The following ZNFX1 variants were observed in gnomAD, a reference collection of about 807,000 sequenced individuals.
ZNFX1 encodes the protein zinc finger NFX1-type containing 1, also known as NFX1-type zinc finger-containing protein 1.
ZNFX1 carries 78 observed loss-of-function variants against 179.8 expected under a neutral mutation model. The observed-to-expected ratio is 0.43, with a 90% CI of 0.36 to 0.52. The LOEUF (loss-of-function observed/expected upper bound fraction) is 0.52. Among genes scored for constraint, ZNFX1 ranks in the 20% least tolerant of loss-of-function variants. The probability of loss-of-function intolerance (pLI) is 0.00; values close to 1 mark genes in which losing one functional copy is unlikely to be tolerated. For missense variants in ZNFX1, 1,927 were observed against 2,386.6 expected, an observed-to-expected ratio of 0.81 and a Z score of 4.01; for synonymous variants, 848 against 868.5, an observed-to-expected ratio of 0.98 and a Z score of 0.42.
Position 49,270,266 on chromosome 20 carries a change from T to G in ZNFX1, c.1546A>C (p.Arg516=), listed in dbSNP as rs369142989. The change falls in exon 3 of 14, where the codon AGG becomes CGG. Residue 516 remains arginine (R), a synonymous_variant. Coordinates refer to ENST00000396105, the MANE Select transcript of ZNFX1 (RefSeq NM_021035.3). This position sits in a 1 kb window ranked among gnomAD's most constrained non-coding sequence, Gnocchi z 4.6. The stretch of plus-strand genomic sequence containing the variant: ...TCCTGGAGTCCTTCCAGGACGTGCC[T>G]GTAGGCCTCAAAGTATGCAGTTGTC... ...VETTAYFEAY[R]HVLEGLQEVQ... is the part of the protein sequence containing the mutation. 8.7e-5 allele frequency: 140 copies of G among 1,614,072 alleles called. 2 individuals carry two copies. The highest frequency in any genetic ancestry group is 8.5e-4 in the South Asian group (77 of 91,088).
Position 49,263,472 on chromosome 20 carries a change from C to T in ZNFX1, c.2163G>A (p.Gln721=). The T allele has an allele frequency of 1.3e-6, 2 of 1,584,622 alleles. No individual in the cohort carries two copies. Among genetic ancestry groups the T allele is most frequent in the South Asian group, 2.3e-5 (2 of 87,640 alleles). ...GAAGCTCTTGCTCTGACTCCTTCAT[C>T]TGTGTCATGATCTTCCAAGAACAGA... ...LRRAYMSIMT[Q]MKESEQELHE... is the part of the protein sequence containing the mutation. The change falls in exon 6 of 14, where the codon CAG becomes CAA. Residue 721 remains glutamine, a synonymous_variant. Transcript: ENST00000396105.
Position 49,275,901 on chromosome 20 carries a change from G to GTT in ZNFX1, c.-48-16_-48-15dup. On this transcript the variant is annotated splice_polypyrimidine_tract_variant and intron_variant, in intron 1 of 13. Transcript: ENST00000396105. ...TTATCTGGAAAACTGCACATGTTGA[G>GTT]TTATCAGTGTCCTCGAAACATAGCA... The GTT allele has an allele frequency of 6.4e-7, 1 of 1,565,688 alleles. No homozygotes were observed. Among genetic ancestry groups the GTT allele is most frequent in the African/African-American group, 1.4e-5 (1 of 74,034 alleles).
intron 3 of ZNFX1, among the ~76,000 whole-genome samples, chr20:49,269,619 C>T (rs563471435): frequency 2.0e-5 from 3 of 152,022 alleles, no homozygotes; most frequent in Admixed American, 6.6e-5. Context: ...AGGCAGAGGT[C>T]GCAGTGAGCC....
intron 7 of ZNFX1, among the ~76,000 whole-genome samples, chr20:49,258,800 C>T (rs1981040614): frequency 7.4e-6 from 1 of 136,010 alleles, no homozygotes; most frequent in South Asian, 2.3e-4. Context: ...AGTGAGACTC[C>T]ATCTCAAAAA....
chr20:49,253,342 C>T (rs962784293), intron 11 of ZNFX1, among the ~76,000 whole-genome samples: 2 of 151,888 alleles, frequency 1.3e-5, no homozygotes, highest in African/African-American at 4.8e-5. Flanking sequence ...CACTTTGGCT[C>T]CTTTATGTAG....
chr20:49,257,523 T>G lies in ZNFX1; in HGVS notation c.2558A>C (p.Glu853Ala), dbSNP rs757101785. The G allele has an allele frequency of 6.2e-7, 1 of 1,613,872 alleles. No homozygotes were observed. ...VVRPQRRKKE[E>A]SGADQELAKM... ...AGCCAACTCCTGGTCTGCTCCACTC[T>G]CTTCCTTCTTCCGCCGCTGGGGCCT... is the stretch of plus-strand genomic sequence containing the variant. Residue 853 changes from glutamate to alanine, a missense_variant, in exon 8 of 14, where the codon GAG (glutamate) becomes GCG (alanine). Coordinates refer to ENST00000396105, the MANE Select transcript of ZNFX1 (RefSeq NM_021035.3).
chr20:49,266,369 T>G, intron 3 of ZNFX1, 103 bp from the exon 4 acceptor site: 1 of 1,123,690 alleles, frequency 8.9e-7, no homozygotes, highest in Non-Finnish European at 1.2e-6. Context: ...TACATTAAGA[T>G]AGTTTAAAAT....
In ZNFX1 at chr20:49,257,543, G is replaced by A; in HGVS notation, c.2538C>T (p.Pro846=). 2 of 1,613,718 alleles carry A rather than the reference G, an allele frequency of 1.2e-6. No individual in the cohort carries two copies. ...CACTCTCTTCCTTCTTCCGCCGCTG[G>A]GGCCTCACCACCTCTTCCTCCTCAA... The part of the protein sequence containing the change: ...RVIEEEEVVR[P]QRRKKEESGA... Residue 846 remains proline, a synonymous_variant, in exon 8 of 14, where the codon CCC becomes CCT. Coordinates refer to ENST00000396105, the MANE Select transcript of ZNFX1 (RefSeq NM_021035.3).
At chr20:49,261,944 G>A (rs1470719593) in intron 6 of ZNFX1, among the ~76,000 whole-genome samples, 1 of 151,018 alleles carries the variant, frequency 6.6e-6, no homozygotes, top group Non-Finnish European at 1.5e-5. Flanking sequence ...CTGCGCGCTT[G>A]GCCTCATGAC....
rs762242619 is a variant in ZNFX1, at chr20:49,247,565, A to C, written c.5459T>G (p.Leu1820Arg). ...QEKMEALKAT[L>R]PCSGLGISEE... is the part of the protein sequence containing the mutation. ...TGAGATGCCCAGGCCAGAGCAGGGA[A>C]GGGTGGCTTTCAGAGCTTCCATCTT... The change falls in exon 14 of 14, where the codon CTT (leucine) becomes CGT (arginine). Residue 1820 changes from leucine to arginine, a missense_variant. Leu to Arg is a moderately radical substitution (Grantham distance 102). Transcript: ENST00000396105. 6.2e-7 allele frequency: 1 copy of C among 1,614,230 alleles called. No individual in the cohort carries two copies. Among genetic ancestry groups the C allele is most frequent in the Non-Finnish European group, 8.5e-7 (1 of 1,180,028 alleles).
In ZNFX1 at chr20:49,270,268, T is replaced by A; in HGVS notation, c.1544A>T (p.Tyr515Phe). The A allele has an allele frequency of 6.2e-7, 1 of 1,614,078 alleles. No individual in the cohort carries two copies. Among genetic ancestry groups the A allele is most frequent in the South Asian group, 1.1e-5 (1 of 91,084 alleles). The change falls in exon 3 of 14, where the codon TAC becomes TTC. Residue 515 changes from tyrosine (Y) to phenylalanine (F), a missense_variant. Tyr to Phe is a conservative substitution (Grantham distance 22). Transcript: ENST00000396105. The surrounding 1 kb of genome is among the most constrained non-coding windows in gnomAD (Gnocchi z 4.6). ...MVETTAYFEA[Y>F]RHVLEGLQEV... ...CTGGAGTCCTTCCAGGACGTGCCTG[T>A]AGGCCTCAAAGTATGCAGTTGTCTC...
At position 49,256,716 on chromosome 20, in the gene ZNFX1, G is replaced by A. The variant is rs576364676; in HGVS notation, c.2664+701C>T. On this transcript the variant is annotated intron_variant, in intron 8 of 13. Coordinates refer to ENST00000396105, the MANE Select transcript of ZNFX1 (RefSeq NM_021035.3). ...TTCTAAGAATTGAGATCATGACTCCGCTCACCACATATAGTGATACTGAAC... is the reference window on the plus strand; with the variant it reads ...TTCTAAGAATTGAGATCATGACTCCACTCACCACATATAGTGATACTGAAC... Among the ~76,000 whole-genome samples the A allele has an allele frequency of 3.3e-5, 5 of 152,290 alleles. No homozygotes were observed. The South Asian group carries it at 6.2e-4, about 19-fold the overall frequency.
At position 49,270,725 on chromosome 20, in the gene ZNFX1, CG is replaced by C. The variant is rs1981362711; in HGVS notation, c.1086del (p.Tyr362Ter). The C allele has an allele frequency of 6.2e-7, 1 of 1,614,122 alleles. No individual in the cohort carries two copies. The highest frequency in any genetic ancestry group is 8.5e-7 in the Non-Finnish European group (1 of 1,180,036). On this transcript the variant is annotated frameshift_variant, in exon 3 of 14. Coordinates refer to ENST00000396105, the MANE Select transcript of ZNFX1 (RefSeq NM_021035.3). LOFTEE classifies it high-confidence loss of function. The surrounding 1 kb of genome is among the most constrained non-coding windows in gnomAD (Gnocchi z 4.6). ...FLRPNIISGK[Y>X]DSTAIYLDTH... Reference sequence around the variant, plus strand: ...GTATCCAGATAGATAGCAGTGCTGTCGTATTTTCCAGAAATGATATTGGGGC... The same window carrying C: ...GTATCCAGATAGATAGCAGTGCTGTCTATTTTCCAGAAATGATATTGGGGC...
rs1399293920 is a variant in ZNFX1 at position 49,257,501 on chromosome 20, C to T, written c.2580G>A (p.Leu860=). 5 of 1,613,866 alleles carry T rather than the reference C, an allele frequency of 3.1e-6. No individual in the cohort carries two copies. The highest frequency in any genetic ancestry group is 3.4e-6 in the Non-Finnish European group (4 of 1,179,998). The change falls in exon 8 of 14, where the codon TTG becomes TTA. Residue 860 remains leucine (L), a synonymous_variant. Transcript: ENST00000396105. The part of the protein sequence containing the change: ...KKEESGADQE[L]AKMLLAMRLD... The stretch of plus-strand genomic sequence containing the variant: ...GCCTCATGGCCAGAAGCATTTTAGC[C>T]AACTCCTGGTCTGCTCCACTCTCTT...
At chr20:49,249,837 C>T (rs1600984167) in intron 13 of ZNFX1, 126 bp from the exon 14 acceptor site, 2 of 917,456 alleles carry the variant, frequency 2.2e-6, no homozygotes, top group East Asian at 2.6e-5. Flanking sequence ...TTTTTGTCCA[C>T]TCAACATCAC....
Position 49,272,081 on chromosome 20 carries a change from T to G in ZNFX1, c.62-331A>C, listed in dbSNP as rs181848103. Among the ~76,000 whole-genome samples the G allele has an allele frequency of 1.5e-3, 229 of 152,286 alleles. 2 individuals are homozygous for G. The highest frequency in any genetic ancestry group is 0.014 in the Admixed American group (213 of 15,296). Reference sequence around the variant, plus strand: ...TACCAAATAACAGTCAGAACATGAGTTTAAAGGCCAAACTGACTTGGTTCA... The same window carrying G: ...TACCAAATAACAGTCAGAACATGAGGTTAAAGGCCAAACTGACTTGGTTCA... On this transcript the variant is annotated intron_variant, in intron 2 of 13. Coordinates refer to ENST00000396105, the MANE Select transcript of ZNFX1 (RefSeq NM_021035.3).
At position 49,248,509 on chromosome 20, in the gene ZNFX1, C is replaced by G; in HGVS notation, c.4515G>C (p.Glu1505Asp). 1 of 1,614,112 alleles carries G rather than the reference C, an allele frequency of 6.2e-7. No individual in the cohort carries two copies. Among genetic ancestry groups the G allele is most frequent in the Non-Finnish European group, 8.5e-7 (1 of 1,179,982 alleles). The part of the protein sequence containing the change: ...VHSQCKKKCG[E>D]LCSPCVEPCV... ...AGGGTTCCACGCAGGGACTACACAG[C>G]TCCCCACATTTCTTCTTGCACTGGC... is the stretch of plus-strand genomic sequence containing the variant. The change falls in exon 14 of 14, where the codon GAG becomes GAC. Residue 1505 changes from glutamate to aspartate, a missense_variant. Coordinates refer to ENST00000396105, the MANE Select transcript of ZNFX1 (RefSeq NM_021035.3). This position sits in a 1 kb window ranked among gnomAD's most constrained non-coding sequence, Gnocchi z 4.6.
Position 49,248,289 on chromosome 20 carries a change from C to T in ZNFX1, c.4735G>A (p.Asp1579Asn). 6.2e-7 allele frequency: 1 copy of T among 1,614,126 alleles called. No individual in the cohort carries two copies. Among genetic ancestry groups the T allele is most frequent in the Non-Finnish European group, 8.5e-7 (1 of 1,180,034 alleles). ...TGCACAAAGCGGGCATCAGGCTCATCCTCAAAGCCAAAGAATATTTGGGTG... is the reference window on the plus strand; with the variant it reads ...TGCACAAAGCGGGCATCAGGCTCATTCTCAAAGCCAAAGAATATTTGGGTG... ...EVTQIFFGFE[D>N]EPDARFVQLE... is the part of the protein sequence containing the mutation. Residue 1579 changes from aspartate to asparagine, a missense_variant, in exon 14 of 14, where the codon GAT becomes AAT. Physicochemically the swap from Asp to Asn is conservative, Grantham distance 23. Coordinates refer to ENST00000396105, the MANE Select transcript of ZNFX1 (RefSeq NM_021035.3). The surrounding 1 kb of genome is among the most constrained non-coding windows in gnomAD (Gnocchi z 4.6).
At position 49,260,509 on chromosome 20, in the gene ZNFX1, G is replaced by T. The variant is rs145166029; in HGVS notation, c.2370C>A (p.Val790=). 6.2e-7 allele frequency: 1 copy of T among 1,613,228 alleles called. No individual in the cohort carries two copies. Among genetic ancestry groups the T allele is most frequent in the Admixed American group, 1.7e-5 (1 of 59,966 alleles). The change falls in exon 7 of 14, where the codon GTC becomes GTA. Residue 790 remains valine (V), a synonymous_variant. Coordinates refer to ENST00000396105, the MANE Select transcript of ZNFX1 (RefSeq NM_021035.3). ...SMMLEWLGLG[V]GSFTQSVSPA... is the part of the protein sequence containing the mutation. ...GAGAAACACTTTGCGTGAAAGAACC[G>T]ACACCAAGACCTAGCCACTCCAGCA... is the stretch of plus-strand genomic sequence containing the variant.
Sources: gnomAD v4.1 joint callset for allele counts (sites outside exome capture counted in the v4.1 genomes callset) on GRCh38, gnomAD v4.1.1 for gene constraint, Gnocchi (gnomAD v3.1) non-coding constraint, MANE v1.5 for transcripts, NCBI Gene and HGNC (gene_info 2026-07-23, HGNC 2026-07-21) for gene names.